Variants in VPS50 observed in about 807,000 individuals in gnomAD.
VPS50 encodes VPS50 subunit of EARP/GARPII complex, also known as syndetin.
Under a neutral mutation model 139.7 loss-of-function variants are expected in VPS50, and 70 were observed. The observed-to-expected ratio is 0.50, with a 90% CI of 0.41 to 0.61. The LOEUF (loss-of-function observed/expected upper bound fraction) is 0.61. Ranked by LOEUF, VPS50 falls within the 20% of genes least tolerant of loss-of-function variation. The probability of loss-of-function intolerance (pLI) is 0.00; values close to 1 mark genes in which losing one functional copy is unlikely to be tolerated. For synonymous variants in VPS50, 365 were observed against 376.7 expected (o/e 0.97, Z 0.36); for missense variants, 921 against 1,133.7 (o/e 0.81, Z 2.69).
intron 21 of VPS50, 74 bp downstream of exon 21, chr7:93,323,806 C>A: frequency 1.3e-6 from 1 of 748,654 alleles, no homozygotes; most frequent in Non-Finnish European, 2.0e-6. Context: ...TTTTCATTCT[C>A]TCTATAGAAG....
intron 8 of VPS50, 52 bp from the exon 9 acceptor site, chr7:93,259,498 C>G (rs1795600071): frequency 1.1e-6 from 1 of 916,604 alleles, no homozygotes; most frequent in East Asian, 2.5e-5. Flanking sequence ...TTATCAGGGG[C>G]TTTAAGAAAA....
intron 16 of VPS50, among the ~76,000 whole-genome samples, chr7:93,298,910 G>A (rs1200985238): frequency 1.3e-5 from 2 of 152,082 alleles, no homozygotes; most frequent in Admixed American, 6.5e-5. Flanking sequence ...CAACTGTCTG[G>A]TATTGGCAAA....
At chr7:93,320,789 T>TAA (rs1370982330) in intron 20 of VPS50, 1 of 152,524 alleles carries the variant, frequency 6.6e-6, no homozygotes, top group Admixed American at 6.5e-5. Flanking sequence ...TGCAGACTGT[T>TAA]ACAGTTTGTC....
Position 93,355,967 on chromosome 7 carries a change from C to A in VPS50, c.2662C>A (p.Leu888Ile). 6.2e-7 allele frequency: 1 copy of A among 1,600,352 alleles called. No individual in the cohort carries two copies. The highest frequency in any genetic ancestry group is 1.1e-5 in the South Asian group (1 of 89,890). The change falls in exon 27 of 28, where the codon CTT (leucine) becomes ATT (isoleucine). Residue 888 changes from leucine to isoleucine, a missense_variant. Physicochemically the swap from Leu to Ile is conservative, Grantham distance 5. Transcript: ENST00000305866. ...QLDFQQFLMK[L>I]EKLTDIRPIP... ...GGATTTTCAACAGTTTTTAATGAAA[C>A]TTGAAAAACTAACAGATATTAGACC...
intron 20 of VPS50, among the ~76,000 whole-genome samples, chr7:93,321,978 T>C (rs575282728): frequency 6.6e-6 from 1 of 152,194 alleles, no homozygotes; most frequent in Non-Finnish European, 1.5e-5. Context: ...TCCAGAGTGT[T>C]TTAGGAGCAG....
At chr7:93,261,404 G>A (rs1441754414) in intron 9 of VPS50, among the ~76,000 whole-genome samples, 2 of 152,102 alleles carry the variant, frequency 1.3e-5, no homozygotes, top group African/African-American at 2.4e-5. Flanking sequence ...TAGGCCGGGC[G>A]CGGTGGCTCA....
At chr7:93,269,774 C>T (rs1454188808) in intron 9 of VPS50, among the ~76,000 whole-genome samples, 1 of 151,984 alleles carries the variant, frequency 6.6e-6, no homozygotes. Context: ...TCTCTCAGAA[C>T]TTAATGCAAA....
intron 24 of VPS50, among the ~76,000 whole-genome samples, 155 bp downstream of exon 24, chr7:93,348,962 A>G (rs959801189): frequency 6.6e-6 from 1 of 152,212 alleles, no homozygotes; most frequent in African/African-American, 2.4e-5. Flanking sequence ...GAATTCCTAC[A>G]TTAAATACAT....
chr7:93,234,690 A>G (rs1430981181), intron 1 of VPS50, among the ~76,000 whole-genome samples: 1 of 152,226 alleles, frequency 6.6e-6, no homozygotes, highest in Non-Finnish European at 1.5e-5. Flanking sequence ...AACCTATAGA[A>G]TGTGCTAATA....
chr7:93,235,896 C>T (rs1359700818), intron 1 of VPS50, among the ~76,000 whole-genome samples: 1 of 152,058 alleles, frequency 6.6e-6, no homozygotes, highest in Non-Finnish European at 1.5e-5. Flanking sequence ...GTTAAGATCA[C>T]CAGTGGAATG....
intron 20 of VPS50, among the ~76,000 whole-genome samples, chr7:93,321,401 G>A (rs1797609740): frequency 6.6e-6 from 1 of 152,120 alleles, no homozygotes; most frequent in African/African-American, 2.4e-5. Flanking sequence ...AACGTCTGCT[G>A]TCTGCCTGTT....
chr7:93,318,858 A>G (rs1325061921), intron 20 of VPS50, among the ~76,000 whole-genome samples: 1 of 152,166 alleles, frequency 6.6e-6, no homozygotes, highest in Non-Finnish European at 1.5e-5. Context: ...TCTCTTTTCT[A>G]GGAGTTTCAA....
rs1798526550 is a variant in VPS50 at position 93,350,509 on chromosome 7, T to C, written c.2463+476T>C. Among the ~76,000 whole-genome samples, 3 of 152,134 alleles carry C rather than the reference T, an allele frequency of 2.0e-5. No individual in the cohort carries two copies. The South Asian group carries it at 6.2e-4, about 32-fold the overall frequency. ...TGGAAAGAATTGTGGTTTTTTTTCA[T>C]TGATGCATGAATAAGATATCTGTAG... On this transcript the variant is annotated intron_variant, in intron 25 of 27. Transcript: ENST00000305866.
intron 12 of VPS50, among the ~76,000 whole-genome samples, chr7:93,277,796 ATAT>A (rs1208176684): frequency 5.3e-5 from 8 of 152,260 alleles, no homozygotes; most frequent in Non-Finnish European, 1.2e-4. Flanking sequence ...CATTTGGTAA[ATAT>A]TAATAATTTT....
intron 2 of VPS50, 121 bp downstream of exon 2, chr7:93,240,055 CTAGGTA>C: frequency 1.5e-6 from 1 of 645,328 alleles, no homozygotes. Context: ...TTAAGATAAG[CTAGGTA>C]AATTTTTATT....
intron 20 of VPS50, chr7:93,320,249 C>T (rs1428927919): frequency 6.6e-6 from 1 of 150,680 alleles, no homozygotes; most frequent in African/African-American, 2.4e-5. Flanking sequence ...GACTGATTCT[C>T]TAAATCCCAG....
chr7:93,307,046 T>G (rs1797136167), intron 18 of VPS50, among the ~76,000 whole-genome samples: 2 of 151,862 alleles, frequency 1.3e-5, no homozygotes, highest in Non-Finnish European at 2.9e-5. Flanking sequence ...TCTATAAAAG[T>G]GATTCATTAA....
intron 12 of VPS50, among the ~76,000 whole-genome samples, chr7:93,290,090 T>C (rs1174050133): frequency 1.3e-5 from 2 of 152,108 alleles, no homozygotes; most frequent in Non-Finnish European, 2.9e-5. Flanking sequence ...TGTTTATTTG[T>C]ATACAAATGC....
At chr7:93,319,164 TC>T (rs1469371954) in intron 20 of VPS50, among the ~76,000 whole-genome samples, 1 of 152,178 alleles carries the variant, frequency 6.6e-6, no homozygotes, top group Non-Finnish European at 1.5e-5. Context: ...CTATTCCTTT[TC>T]CTCTGAATAT....
Sources: gnomAD v4.1 joint callset for allele counts (sites outside exome capture counted in the v4.1 genomes callset) on GRCh38, gnomAD v4.1.1 for gene constraint, MANE v1.5 for transcripts, NCBI Gene and HGNC (gene_info 2026-07-23, HGNC 2026-07-21) for gene names.